The following MAP4K4 variants were observed in gnomAD, a reference collection of about 807,000 sequenced individuals.
The protein encoded by MAP4K4 is HPK/GCK-like kinase HGK.
A neutral mutation model predicts 189.6 loss-of-function variants in MAP4K4; 38 were observed. The observed-to-expected ratio is 0.20, with a 90% CI of 0.15 to 0.26. The LOEUF (loss-of-function observed/expected upper bound fraction) is 0.26, where lower values mean the gene tolerates loss of function less well. Among genes scored for constraint, MAP4K4 ranks in the 10% least tolerant of loss-of-function variants. The pLI is 1.00. For synonymous variants in MAP4K4, 610 were observed against 624.3 expected, an observed-to-expected ratio of 0.98 and a Z score of 0.34; for missense variants, 1,054 against 1,726.9, an observed-to-expected ratio of 0.61 and a Z score of 6.91.
intron 2 of MAP4K4, among the ~76,000 whole-genome samples, chr2:101,710,276 T>C (rs2044673574): frequency 6.6e-6 from 1 of 152,258 alleles, no homozygotes; most frequent in African/African-American, 2.4e-5. Context: ...CCATTCCAGT[T>C]TGAACTTGGC....
chr2:101,698,556 C>T lies in MAP4K4; in HGVS notation c.123+18C>T, dbSNP rs747126879. The T allele has an allele frequency of 1.2e-6, 2 of 1,610,942 alleles. No homozygotes were observed. Among genetic ancestry groups the T allele is most frequent in the South Asian group, 1.1e-5 (1 of 90,908 alleles). ...TCTATAAGGTCGGTGTGGGCGCCTT[C>T]TTTGTTTCCCGTGGCATGTGGAAAC... On this transcript the variant is annotated intron_variant, in intron 2 of 32. Coordinates refer to ENST00000324219, the Ensembl canonical transcript of MAP4K4.
chr2:101,729,101 A>AGTGTGTGTGTGTGTGT lies in MAP4K4; in HGVS notation c.123+30578_123+30593dup, dbSNP rs57635166. Among the ~76,000 whole-genome samples the AGTGTGTGTGTGTGTGT allele has an allele frequency of 5.5e-3, 716 of 130,564 alleles. 11 individuals are homozygous for AGTGTGTGTGTGTGTGT. Among genetic ancestry groups the AGTGTGTGTGTGTGTGT allele is most frequent in the East Asian group, 0.029 (124 of 4,286 alleles). The allele number at this position is 130,564 out of a possible 152,430, so 85.7% of individuals were successfully genotyped here. A position where few individuals can be genotyped will look rare whatever the true frequency, so the allele number is the denominator to read the frequency against. ...AGGAGAGAGAGAGAGAGAGAGAGAG[A>AGTGTGTGTGTGTGTGT]GTGTGTGTGTGTGTGTGTGTGTGTG... is the stretch of plus-strand genomic sequence containing the variant. On this transcript the variant is annotated intron_variant, in intron 2 of 32. Coordinates refer to ENST00000324219, the Ensembl canonical transcript of MAP4K4.
At chr2:101,722,275 G>C (rs890411013) in intron 2 of MAP4K4, among the ~76,000 whole-genome samples, 1 of 152,186 alleles carries the variant, frequency 6.6e-6, no homozygotes, top group Non-Finnish European at 1.5e-5. Context: ...GGATTATTCT[G>C]ATGTGCCTTT....
At chr2:101,817,739 C>T (rs1055523233) in intron 3 of MAP4K4, among the ~76,000 whole-genome samples, 2 of 152,160 alleles carry the variant, frequency 1.3e-5, no homozygotes, top group African/African-American at 4.8e-5. Flanking sequence ...TTTGGAATCC[C>T]AGAACTAGCT....
Position 101,797,401 on chromosome 2 carries a change from C to T in MAP4K4, c.180+6625C>T, listed in dbSNP as rs1412990952. The T allele has an allele frequency of 3.1e-6, 4 of 1,290,488 alleles. No homozygotes were observed. The South Asian group carries it at 4.9e-5, about 16-fold the overall frequency. 79.9% of individuals were successfully genotyped at this position (1,290,488 alleles called of 1,614,324 possible). On this transcript the variant is annotated intron_variant, in intron 3 of 32. Transcript: ENST00000324219. ...TTGTCAGGGTGAGCCAGAAATGTATCAGTTTTTGACAGTCTGTATCCCCCT... is the reference window on the plus strand; with the variant it reads ...TTGTCAGGGTGAGCCAGAAATGTATTAGTTTTTGACAGTCTGTATCCCCCT...
intron 2 of MAP4K4, among the ~76,000 whole-genome samples, chr2:101,731,154 C>T (rs1484261571): frequency 4.6e-5 from 7 of 151,750 alleles, no homozygotes; most frequent in Admixed American, 4.6e-4. Flanking sequence ...TTTCATTCTG[C>T]TGCCCAGGCT....
chr2:101,844,458 AGCTT>A (rs1275754295), intron 12 of MAP4K4, 147 bp downstream of exon 12: 2 of 691,624 alleles, frequency 2.9e-6, no homozygotes, highest in East Asian at 5.5e-5. Flanking sequence ...TGTGAAAGAA[AGCTT>A]ACGCTTTGGA....
intron 12 of MAP4K4, among the ~76,000 whole-genome samples, chr2:101,855,618 C>T (rs2097428690): frequency 6.6e-6 from 1 of 151,868 alleles, no homozygotes; most frequent in Admixed American, 6.6e-5. Flanking sequence ...ATTTCTTTCT[C>T]TTAATGTATT....
chr2:101,730,524 T>C (rs2057960971), intron 2 of MAP4K4, among the ~76,000 whole-genome samples: 2 of 152,182 alleles, frequency 1.3e-5, no homozygotes, highest in Non-Finnish European at 2.9e-5. Flanking sequence ...GCTGGTGCCC[T>C]ATTGTCCCGT....
At chr2:101,718,916 C>G (rs2050105279) in intron 2 of MAP4K4, among the ~76,000 whole-genome samples, 1 of 152,142 alleles carries the variant, frequency 6.6e-6, no homozygotes, top group African/African-American at 2.4e-5. Flanking sequence ...GTTGGTAGTT[C>G]ACTGGAACAC....
At chr2:101,707,353 T>G (rs2042870551) in intron 2 of MAP4K4, among the ~76,000 whole-genome samples, 1 of 151,918 alleles carries the variant, frequency 6.6e-6, no homozygotes, top group Non-Finnish European at 1.5e-5. Context: ...GGACTGCAGG[T>G]GCGGACCACC....
intron 2 of MAP4K4, among the ~76,000 whole-genome samples, chr2:101,767,898 AC>A (rs534550533): frequency 1.2e-4 from 18 of 150,826 alleles, no homozygotes; most frequent in African/African-American, 3.4e-4. Flanking sequence ...TTCTCCCCTC[AC>A]CCCCCCTTAC....
intron 5 of MAP4K4, among the ~76,000 whole-genome samples, chr2:101,826,633 A>G (rs1323984480): frequency 1.3e-5 from 2 of 152,228 alleles, no homozygotes; most frequent in African/African-American, 4.8e-5. Context: ...GGTAGGCAGG[A>G]TAGAACATTG....
At chr2:101,849,523 G>C (rs189638258) in intron 12 of MAP4K4, among the ~76,000 whole-genome samples, 1 of 150,754 alleles carries the variant, frequency 6.6e-6, no homozygotes, top group Admixed American at 6.6e-5. Flanking sequence ...TTTGCATTTT[G>C]TTCACAAGCC....
chr2:101,728,542 C>T (rs549395464), intron 2 of MAP4K4, among the ~76,000 whole-genome samples: 26 of 152,130 alleles, frequency 1.7e-4, no homozygotes, highest in African/African-American at 5.8e-4. Context: ...GATGGAGTCT[C>T]GCTCTGTCAC....
chr2:101,743,222 A>G (rs912663279), intron 2 of MAP4K4, among the ~76,000 whole-genome samples: 7 of 152,170 alleles, frequency 4.6e-5, no homozygotes, highest in African/African-American at 7.2e-5. Flanking sequence ...GCTTCCGTCT[A>G]TCTGACCTGA....
intron 2 of MAP4K4, among the ~76,000 whole-genome samples, chr2:101,726,795 T>C (rs1215945537): frequency 6.6e-6 from 1 of 152,246 alleles, no homozygotes; most frequent in Non-Finnish European, 1.5e-5. Context: ...ACCCTCTCAG[T>C]CCTTTTTCTG....
chr2:101,853,948 G>A (rs1391944191), intron 12 of MAP4K4, among the ~76,000 whole-genome samples: 2 of 152,160 alleles, frequency 1.3e-5, no homozygotes, highest in Non-Finnish European at 2.9e-5. Flanking sequence ...CGGAAATTGT[G>A]TGTAACATGT....
At chr2:101,763,191 G>T (rs1011043870) in intron 2 of MAP4K4, among the ~76,000 whole-genome samples, 1 of 152,204 alleles carries the variant, frequency 6.6e-6, no homozygotes, top group East Asian at 1.9e-4. Context: ...TGAGACAGAA[G>T]AATCCGGTGA....
Sources: allele counts gnomAD v4.1 joint callset (sites outside exome capture counted in the v4.1 genomes callset), GRCh38; gene constraint gnomAD v4.1.1; transcripts MANE v1.5; gene names NCBI Gene and HGNC (gene_info 2026-07-23, HGNC 2026-07-21).